Variants in CDH13 observed in about 807,000 individuals in gnomAD.
CDH13 encodes the protein cadherin-13.
Under a neutral mutation model 63.8 loss-of-function variants are expected in CDH13, and 24 were observed. The ratio of observed to expected loss-of-function variants is 0.38; its 90% CI spans 0.27 to 0.53. The LOEUF is 0.53. CDH13 is among the 20% of genes least tolerant of loss of function. The probability of loss-of-function intolerance (pLI) is 0.85; values close to 1 mark genes in which losing one functional copy is unlikely to be tolerated. For synonymous variants in CDH13, 503 were observed against 355.3 expected (o/e 1.42, Z -4.67); for missense variants, 1,049 against 903.1 (o/e 1.16, Z -2.07).
chr16:83,014,840 T>TATATATA (rs1567746057), intron 2 of CDH13, among the ~76,000 whole-genome samples: 2 of 22,740 alleles, frequency 8.8e-5, no homozygotes, highest in Admixed American at 1.1e-3. Flanking sequence ...GTATATATAT[T>TATATATA]TGTATATATA....
chr16:83,333,287 A>G (rs892143617), intron 5 of CDH13, among the ~76,000 whole-genome samples: 2 of 152,204 alleles, frequency 1.3e-5, no homozygotes, highest in Non-Finnish European at 2.9e-5. Flanking sequence ...TAGAAAAGCA[A>G]TTTCAAAGGA....
chr16:83,634,112 GTTT>G (rs769434037), intron 8 of CDH13, among the ~76,000 whole-genome samples: 1 of 117,174 alleles, frequency 8.5e-6, no homozygotes, highest in Admixed American at 1.0e-4. Context: ...ATTTTTGTGT[GTTT>G]TCTGTGTGTG....
At position 83,267,405 on chromosome 16, in the gene CDH13, A is replaced by G. The variant is rs562498846; in HGVS notation, c.636+49908A>G. ...AGCTACCAGTGTCAGAGGCAGGCAC[A>G]TCGGCTTATAGGAGAAAGAGAGAGC... On this transcript the variant is annotated intron_variant, in intron 5 of 13. Transcript: ENST00000567109. Among the ~76,000 whole-genome samples the G allele has an allele frequency of 1.4e-4, 21 of 152,306 alleles. No individual in the cohort carries two copies. The South Asian group carries it at 4.1e-3, about 30-fold the overall frequency.
chr16:83,039,012 C>G (rs978908428), intron 3 of CDH13, among the ~76,000 whole-genome samples: 7 of 152,202 alleles, frequency 4.6e-5, no homozygotes, highest in Admixed American at 1.3e-4. Context: ...CAGGCTTCGT[C>G]TTGAAACATG....
At chr16:83,681,877 A>C (rs900571147) in intron 10 of CDH13, among the ~76,000 whole-genome samples, 1 of 140,632 alleles carries the variant, frequency 7.1e-6, no homozygotes, top group Non-Finnish European at 1.6e-5. Flanking sequence ...ACGGCCTTCC[A>C]AGTTGTGATG....
At chr16:82,877,376 T>A (rs879760509) in intron 2 of CDH13, among the ~76,000 whole-genome samples, 1 of 152,204 alleles carries the variant, frequency 6.6e-6, no homozygotes, top group Non-Finnish European at 1.5e-5. Flanking sequence ...TTTAGAGCCT[T>A]ATGTTTCGTG....
Position 83,363,607 on chromosome 16 carries a change from G to C in CDH13, c.781+18601G>C, listed in dbSNP as rs554088362. On this transcript the variant is annotated intron_variant, in intron 6 of 13. Transcript: ENST00000567109. ...AAGAGAAGGAATCAAAGTGAAACTGGCTTCTTTACTGGCAGAATTTTGAGA... is the reference window on the plus strand; with the variant it reads ...AAGAGAAGGAATCAAAGTGAAACTGCCTTCTTTACTGGCAGAATTTTGAGA... Among the ~76,000 whole-genome samples, 10 of 152,290 alleles carry C rather than the reference G, an allele frequency of 6.6e-5. No homozygotes were observed. In the South Asian group the frequency reaches 2.1e-3, roughly 32 times the overall value.
At chr16:82,647,941 G>A (rs200194847) in intron 1 of CDH13, among the ~76,000 whole-genome samples, 1 of 152,192 alleles carries the variant, frequency 6.6e-6, no homozygotes, top group East Asian at 1.9e-4. Context: ...TTAGGGGCAG[G>A]TTTTCCCTGT....
At chr16:83,747,845 C>A (rs958278601) in intron 10 of CDH13, among the ~76,000 whole-genome samples, 2 of 151,284 alleles carry the variant, frequency 1.3e-5, no homozygotes, top group Non-Finnish European at 2.9e-5. Flanking sequence ...TCTGTGAGAG[C>A]TTGGCAGATG....
At chr16:82,900,035 G>GCT (rs1014679282) in intron 2 of CDH13, among the ~76,000 whole-genome samples, 40 of 151,574 alleles carry the variant, frequency 2.6e-4, no homozygotes, top group Non-Finnish European at 2.8e-4. Flanking sequence ...CATCTTGATT[G>GCT]CTCTCTCTCT....
At chr16:83,249,509 G>T (rs1240379461) in intron 5 of CDH13, among the ~76,000 whole-genome samples, 1 of 152,122 alleles carries the variant, frequency 6.6e-6, no homozygotes, top group African/African-American at 2.4e-5. Context: ...AAACTTCACT[G>T]ATTTATCTCA....
intron 2 of CDH13, among the ~76,000 whole-genome samples, chr16:82,873,685 T>A (rs2040416421): frequency 6.6e-6 from 1 of 152,206 alleles, no homozygotes; most frequent in African/African-American, 2.4e-5. Flanking sequence ...CTACATGCAA[T>A]ATTTTTATTT....
chr16:83,478,813 C>G (rs921057512), intron 6 of CDH13, among the ~76,000 whole-genome samples: 2 of 147,664 alleles, frequency 1.4e-5, no homozygotes, highest in African/African-American at 5.0e-5. Flanking sequence ...ACCTGGCTGG[C>G]CAGTAGAGTC....
Position 82,749,023 on chromosome 16 carries a change from G to T in CDH13, c.46-109339G>T, listed in dbSNP as rs181765031. 1.8e-3 allele frequency among the ~76,000 whole-genome samples: 279 copies of T among 152,304 alleles called. 2 individuals carry two copies. Among genetic ancestry groups the T allele is most frequent in the African/African-American group, 6.3e-3 (262 of 41,568 alleles). On this transcript the variant is annotated intron_variant, in intron 1 of 13. Coordinates refer to ENST00000567109, the MANE Select transcript of CDH13 (RefSeq NM_001257.5). ...GGGAAATTAATTTGAATGTTGCAGA[G>T]TGTTGGCCTTCTCACTCCCCTGAAA...
intron 2 of CDH13, among the ~76,000 whole-genome samples, chr16:82,862,451 G>A (rs1316175258): frequency 6.6e-6 from 1 of 152,202 alleles, no homozygotes; most frequent in East Asian, 1.9e-4. Context: ...AGCTCATTAG[G>A]AGAAACCATA....
At position 82,906,024 on chromosome 16, in the gene CDH13, A is replaced by G. The variant is rs542579795; in HGVS notation, c.157+47551A>G. On this transcript the variant is annotated intron_variant, in intron 2 of 13. Transcript: ENST00000567109. Reference sequence around the variant, plus strand: ...TGTATGTTTATATAAGTATATGAATATATACATGCATATTTCTATCTATCT... The same window carrying G: ...TGTATGTTTATATAAGTATATGAATGTATACATGCATATTTCTATCTATCT... 4.6e-5 allele frequency among the ~76,000 whole-genome samples: 7 copies of G among 152,310 alleles called. No homozygotes were observed. In the South Asian group the frequency reaches 1.0e-3, roughly 23 times the overall value.
intron 5 of CDH13, among the ~76,000 whole-genome samples, chr16:83,337,670 G>A (rs2090629155): frequency 1.8e-5 from 2 of 110,584 alleles, no homozygotes; most frequent in South Asian, 3.1e-4. Flanking sequence ...AAAGTGTGTA[G>A]TGTCATGGAA....
At chr16:83,171,545 C>G in intron 4 of CDH13, 6 of 1,534,460 alleles carry the variant, frequency 3.9e-6, no homozygotes, top group Non-Finnish European at 5.2e-6. Context: ...AAGTTCTGTG[C>G]CTAGCACGAT....
chr16:83,446,859 A>T (rs1322699728), intron 6 of CDH13, among the ~76,000 whole-genome samples: 1 of 151,970 alleles, frequency 6.6e-6, no homozygotes, highest in Non-Finnish European at 1.5e-5. Context: ...GGGGCTTTTA[A>T]AAGTTATGTC....
Sources: gnomAD v4.1 joint callset for allele counts (sites outside exome capture counted in the v4.1 genomes callset) on GRCh38, gnomAD v4.1.1 for gene constraint, MANE v1.5 for transcripts, NCBI Gene and HGNC (gene_info 2026-07-23, HGNC 2026-07-21) for gene names.